EHD4: variants seen among roughly 807,000 people sequenced by gnomAD.
The protein encoded by EHD4 is EH domain containing 4.
A neutral mutation model predicts 51.0 loss-of-function variants in EHD4; 37 were observed. That is an observed-to-expected ratio of 0.73 (90% CI 0.56 to 0.95). The LOEUF (loss-of-function observed/expected upper bound fraction) is 0.95, where lower values mean the gene tolerates loss of function less well. EHD4 is among the 40% of genes least tolerant of loss of function. EHD4 has a pLI of 0.00. For synonymous variants in EHD4, 297 were observed against 317.3 expected (o/e 0.94, Z 0.68); for missense variants, 632 against 733.1 (o/e 0.86, Z 1.59).
chr15:41,957,362 G>C (rs1222427670), intron 1 of EHD4, among the ~76,000 whole-genome samples: 1 of 152,030 alleles, frequency 6.6e-6, no homozygotes, highest in Admixed American at 6.6e-5. Context: ...AACTCAAATG[G>C]GGATTTTGCG....
chr15:41,940,626 G>C (rs1039662200), intron 3 of EHD4, among the ~76,000 whole-genome samples: 2 of 152,174 alleles, frequency 1.3e-5, no homozygotes, highest in African/African-American at 4.8e-5. Flanking sequence ...GGTGTGGCAG[G>C]GACCGCCGAC....
intron 4 of EHD4, among the ~76,000 whole-genome samples, chr15:41,910,760 G>A (rs998518867): frequency 1.3e-5 from 2 of 151,948 alleles, no homozygotes; most frequent in African/African-American, 4.8e-5. Context: ...GTAGAGACGG[G>A]GTTTCACCAT....
intron 1 of EHD4, among the ~76,000 whole-genome samples, chr15:41,969,272 C>T (rs1412368450): frequency 1.3e-5 from 2 of 152,114 alleles, no homozygotes; most frequent in East Asian, 1.9e-4. Context: ...TGGGATGGGG[C>T]GCGGTGGCTC....
intron 4 of EHD4, among the ~76,000 whole-genome samples, chr15:41,913,519 C>T (rs79690736): frequency 0.05 from 7,543 of 152,236 alleles, 280 homozygotes; most frequent in Non-Finnish European, 0.064. Context: ...TCCACCTCAG[C>T]GTGCTCATCC....
At chr15:41,907,645 G>A (rs1009515748) in intron 5 of EHD4, among the ~76,000 whole-genome samples, 6 of 151,688 alleles carry the variant, frequency 4.0e-5, no homozygotes, top group African/African-American at 7.3e-5. Context: ...TCAGCCTCCC[G>A]GGTAGCTGGA....
chr15:41,919,538 AT>A lies in EHD4; in HGVS notation c.595del (p.Ile199SerfsTer23), dbSNP rs759886582. 6.5e-7 allele frequency: 1 copy of A among 1,536,474 alleles called. No homozygotes were observed. Among genetic ancestry groups the A allele is most frequent in the East Asian group, 2.3e-5 (1 of 44,360 alleles). On this transcript the variant is annotated frameshift_variant, in exon 4 of 6. Transcript: ENST00000220325. LOFTEE classifies it high-confidence loss of function. ...GATGGCCTCTGAGAATTCATCTGAGATGTCCAGCTTGTGAGCGTCAAAGAGC... is the reference window on the plus strand; with the variant it reads ...GATGGCCTCTGAGAATTCATCTGAGAGTCCAGCTTGTGAGCGTCAAAGAGC... ...ILLFDAHKLD[I>X]SDEFSEAIKA...
At chr15:41,971,057 C>T (rs2067992138) in intron 1 of EHD4, among the ~76,000 whole-genome samples, 1 of 152,146 alleles carries the variant, frequency 6.6e-6, no homozygotes, top group African/African-American at 2.4e-5. Context: ...TTATCTAGAA[C>T]GACATTTCAA....
intron 4 of EHD4, among the ~76,000 whole-genome samples, chr15:41,916,017 C>T (rs557968051): frequency 5.3e-5 from 8 of 152,282 alleles, no homozygotes; most frequent in Middle Eastern, 3.4e-3. Flanking sequence ...TTGATTAAAA[C>T]GGCGCACTTG....
intron 3 of EHD4, among the ~76,000 whole-genome samples, chr15:41,935,290 C>T (rs1350928213): frequency 6.6e-6 from 1 of 152,164 alleles, no homozygotes; most frequent in Non-Finnish European, 1.5e-5. Context: ...TCCTCTATCT[C>T]CCCTAGTATA....
At chr15:41,907,356 C>A (rs1057092866) in intron 5 of EHD4, among the ~76,000 whole-genome samples, 1 of 152,180 alleles carries the variant, frequency 6.6e-6, no homozygotes, top group African/African-American at 2.4e-5. Context: ...GGATACAGGG[C>A]ATAACCAGGG....
intron 3 of EHD4, among the ~76,000 whole-genome samples, chr15:41,933,642 C>T (rs1307094949): frequency 6.6e-6 from 1 of 152,108 alleles, no homozygotes; most frequent in Non-Finnish European, 1.5e-5. Flanking sequence ...GCTGGGGGTT[C>T]CCCACTGGTG....
intron 1 of EHD4, among the ~76,000 whole-genome samples, chr15:41,960,507 G>T (rs1349702830): frequency 6.6e-6 from 1 of 152,038 alleles, no homozygotes; most frequent in African/African-American, 2.4e-5. Flanking sequence ...AGTTGAATAT[G>T]TATCAATTTA....
At chr15:41,902,541 A>G (rs1442814176) in intron 5 of EHD4, among the ~76,000 whole-genome samples, 1 of 152,128 alleles carries the variant, frequency 6.6e-6, no homozygotes, top group African/African-American at 2.4e-5. Flanking sequence ...TTAAAAAAGG[A>G]CTTGACATAA....
intron 4 of EHD4, among the ~76,000 whole-genome samples, chr15:41,917,860 A>G (rs942675594): frequency 1.3e-5 from 2 of 152,200 alleles, no homozygotes; most frequent in African/African-American, 4.8e-5. Flanking sequence ...AAGAAGGATG[A>G]CTCACACAAG....
intron 2 of EHD4, among the ~76,000 whole-genome samples, chr15:41,949,665 A>T (rs540571212): frequency 1.3e-5 from 2 of 152,308 alleles, no homozygotes; most frequent in East Asian, 3.9e-4. Context: ...TTTAGAAAGA[A>T]ACAGAGGCAA....
At chr15:41,934,764 G>A (rs2067721206) in intron 3 of EHD4, among the ~76,000 whole-genome samples, 1 of 152,166 alleles carries the variant, frequency 6.6e-6, no homozygotes, top group South Asian at 2.1e-4. Flanking sequence ...TATGCCACAT[G>A]TATGACAGAG....
chr15:41,936,734 G>A (rs1230118656), intron 3 of EHD4, among the ~76,000 whole-genome samples: 1 of 152,232 alleles, frequency 6.6e-6, no homozygotes, highest in Non-Finnish European at 1.5e-5. Flanking sequence ...GCCGGGGCTG[G>A]CGAACGCTGT....
intron 5 of EHD4, among the ~76,000 whole-genome samples, chr15:41,902,020 G>A (rs1018029729): frequency 6.6e-6 from 1 of 152,182 alleles, no homozygotes; most frequent in African/African-American, 2.4e-5. Context: ...AAACGTAGCT[G>A]GTAAGCCTGA....
intron 3 of EHD4, among the ~76,000 whole-genome samples, chr15:41,940,469 T>A (rs2067762210): frequency 1.3e-5 from 2 of 152,218 alleles, no homozygotes; most frequent in Admixed American, 6.5e-5. Context: ...TTGGGGTTAG[T>A]GTGTTGAAAA....
Sources: allele counts gnomAD v4.1 joint callset (sites outside exome capture counted in the v4.1 genomes callset), GRCh38; gene constraint gnomAD v4.1.1; transcripts MANE v1.5; gene names NCBI Gene and HGNC (gene_info 2026-07-23, HGNC 2026-07-21).